Variants in HTR2A observed in about 807,000 individuals in gnomAD.
HTR2A encodes the protein 5-HT2 receptor.
HTR2A carries 14 observed loss-of-function variants against 31.0 expected under a neutral mutation model. The observed-to-expected ratio is 0.45, with a 90% CI of 0.30 to 0.71. The LOEUF (loss-of-function observed/expected upper bound fraction) is 0.71. Ranked by LOEUF, HTR2A falls within the 30% of genes least tolerant of loss-of-function variation. HTR2A has a pLI of 0.09. For synonymous variants in HTR2A, 209 were observed against 225.2 expected, an observed-to-expected ratio of 0.93 and a Z score of 0.64; for missense variants, 442 against 573.3, an observed-to-expected ratio of 0.77 and a Z score of 2.34.
At chr13:46,873,429 TA>T (rs1555299077) in intron 3 of HTR2A, among the ~76,000 whole-genome samples, 1 of 25,906 alleles carries the variant, frequency 3.9e-5, no homozygotes, top group African/African-American at 1.3e-4. Flanking sequence ...ATATAAAATT[TA>T]TTATTATTAT....
intron 3 of HTR2A, among the ~76,000 whole-genome samples, chr13:46,878,092 T>C (rs1332071559): frequency 6.6e-6 from 1 of 152,146 alleles, no homozygotes; most frequent in Non-Finnish European, 1.5e-5. Context: ...AGAGTTTCAG[T>C]CAGGAGAGCA....
chr13:46,882,044 G>C (rs1444634972), intron 3 of HTR2A, among the ~76,000 whole-genome samples: 2 of 151,998 alleles, frequency 1.3e-5, no homozygotes, highest in Non-Finnish European at 2.9e-5. Flanking sequence ...ATTCCATATA[G>C]AATTTGAGGT....
chr13:46,845,685 G>T (rs6561332), intron 3 of HTR2A, among the ~76,000 whole-genome samples: 55,325 of 149,848 alleles, frequency 0.37, 10,800 homozygotes, highest in African/African-American at 0.43. Context: ...GGAGGCAGAG[G>T]ATACAGAGAT....
intron 3 of HTR2A, among the ~76,000 whole-genome samples, chr13:46,888,247 A>G (rs1350012487): frequency 6.6e-6 from 1 of 152,218 alleles, no homozygotes; most frequent in African/African-American, 2.4e-5. Flanking sequence ...CCAAAGTCAC[A>G]AGTTTAAGAA....
chr13:46,863,657 A>AAAAAAAAAAAAAAAAAGAAAAAAAAAAAG (rs1566309853), intron 3 of HTR2A, among the ~76,000 whole-genome samples: 1 of 118,256 alleles, frequency 8.5e-6, no homozygotes, highest in Non-Finnish European at 1.7e-5. Context: ...AAAGAAAAAA[A>AAAAAAAAAAAAAAAAAGAAAAAAAAAAAG]AAAAAGACAG....
Position 46,893,672 on chromosome 13 carries a change from A to G in HTR2A, c.413-1082T>C, listed in dbSNP as rs150120153. 1.2e-3 allele frequency among the ~76,000 whole-genome samples: 176 copies of G among 152,312 alleles called. 1 individual carries two copies. The highest frequency in any genetic ancestry group is 4.0e-3 in the African/African-American group (168 of 41,570). ...TCACCTGCTATATGAGGAAGGTTAG[A>G]GTGTGCTTTATGGACATAAACAAAG... is the stretch of plus-strand genomic sequence containing the variant. On this transcript the variant is annotated intron_variant, in intron 2 of 3. Transcript: ENST00000542664.
intron 3 of HTR2A, among the ~76,000 whole-genome samples, chr13:46,876,589 T>A (rs1054362981): frequency 3.3e-5 from 5 of 151,774 alleles, no homozygotes; most frequent in Admixed American, 1.3e-4. Flanking sequence ...TTCTTTTTTT[T>A]TTATTTTTAG....
chr13:46,892,687 A>G, intron 2 of HTR2A, 97 bp from the exon 3 acceptor site: 2 of 980,368 alleles, frequency 2.0e-6, no homozygotes, highest in South Asian at 1.4e-5. Context: ...GGACAGGCAC[A>G]GGTGGTGGCA....
In HTR2A at chr13:46,866,448, T is replaced by C. The variant is rs76489282; in HGVS notation, c.613+25942A>G. ...CTCAGGGGAGAGAGCAGCTGAGGAA[T>C]GTAAATGGTGCACAGTGTAAACAGT... On this transcript the variant is annotated intron_variant, in intron 3 of 3. Transcript: ENST00000542664. Among the ~76,000 whole-genome samples, 293 of 152,304 alleles carry C rather than the reference T, an allele frequency of 1.9e-3. 3 individuals are homozygous for C. Among genetic ancestry groups the C allele is most frequent in the Admixed American group, 3.6e-3 (55 of 15,296 alleles).
At chr13:46,837,448 C>T (rs901576889) in intron 3 of HTR2A, among the ~76,000 whole-genome samples, 1 of 152,168 alleles carries the variant, frequency 6.6e-6, no homozygotes, top group Admixed American at 6.5e-5. Context: ...ATTGCAGGGA[C>T]AGCCTGGGAG....
rs756794834 is a variant in HTR2A at position 46,895,748 on chromosome 13, G to A, written c.159C>T (p.Thr53=). 1.9e-6 allele frequency: 3 copies of A among 1,614,176 alleles called. No homozygotes were observed. Among genetic ancestry groups the A allele is most frequent in the Non-Finnish European group, 2.5e-6 (3 of 1,180,022 alleles). ...FNWTVDSENR[T]NLSCEGCLSP... Reference sequence around the variant, plus strand: ...AGAGGCACCCTTCACAGGAAAGGTTGGTTCGATTTTCAGAGTCGACTGTCC... The same window carrying A: ...AGAGGCACCCTTCACAGGAAAGGTTAGTTCGATTTTCAGAGTCGACTGTCC... The change falls in exon 2 of 4, where the codon ACC becomes ACT. Residue 53 remains threonine (T), a synonymous_variant. Coordinates refer to ENST00000542664, the MANE Select transcript of HTR2A (RefSeq NM_000621.5). This position sits in a 1 kb window ranked among gnomAD's most constrained non-coding sequence, Gnocchi z 4.4.
intron 3 of HTR2A, among the ~76,000 whole-genome samples, chr13:46,844,952 A>G (rs1162399566): frequency 6.6e-6 from 1 of 152,164 alleles, no homozygotes; most frequent in African/African-American, 2.4e-5. Flanking sequence ...TTTACTTAGC[A>G]CTATGTGAGA....
At chr13:46,845,289 A>C (rs537558906) in intron 3 of HTR2A, among the ~76,000 whole-genome samples, 1 of 152,292 alleles carries the variant, frequency 6.6e-6, no homozygotes, top group African/African-American at 2.4e-5. Context: ...ACAGGAGCTG[A>C]GCTGGGCCTG....
At chr13:46,867,118 T>C (rs1490094835) in intron 3 of HTR2A, among the ~76,000 whole-genome samples, 1 of 152,140 alleles carries the variant, frequency 6.6e-6, no homozygotes, top group Non-Finnish European at 1.5e-5. Context: ...GGAATCAGGA[T>C]AAGCCTCACT....
chr13:46,855,027 C>T (rs148038121), intron 3 of HTR2A, among the ~76,000 whole-genome samples: 25 of 152,208 alleles, frequency 1.6e-4, no homozygotes, highest in East Asian at 3.9e-4. Flanking sequence ...GATTGGGAGA[C>T]GGAACTATAA....
intron 3 of HTR2A, among the ~76,000 whole-genome samples, chr13:46,863,511 T>A (rs1374187464): frequency 1.3e-5 from 2 of 149,772 alleles, no homozygotes; most frequent in African/African-American, 4.9e-5. Flanking sequence ...TAGTCCCAGC[T>A]ACTTAAGGGG....
chr13:46,889,896 G>A (rs983192308), intron 3 of HTR2A, among the ~76,000 whole-genome samples: 1 of 152,164 alleles, frequency 6.6e-6, no homozygotes, highest in Non-Finnish European at 1.5e-5. Flanking sequence ...CCTCCTCAGG[G>A]CACACACCTC....
chr13:46,839,858 G>A (rs1258049479), intron 3 of HTR2A, among the ~76,000 whole-genome samples: 1 of 152,130 alleles, frequency 6.6e-6, no homozygotes, highest in Non-Finnish European at 1.5e-5. Flanking sequence ...TCTTACCACA[G>A]GCTGCATCAA....
chr13:46,895,648 G>C lies in HTR2A; in HGVS notation c.259C>G (p.Leu87Val), dbSNP rs1364080876. The C allele has an allele frequency of 6.2e-7, 1 of 1,614,084 alleles. No homozygotes were observed. Reference sequence around the variant, plus strand: ...ACGAGTATGTTTCCAGCAATAGTTAGAATAATCACTACGGCTGTCAGTAAA... The same window carrying C: ...ACGAGTATGTTTCCAGCAATAGTTACAATAATCACTACGGCTGTCAGTAAA... Reference protein sequence around the residue: ...SALLTAVVIILTIAGNILVIM... With the variant: ...SALLTAVVIIVTIAGNILVIM... Residue 87 changes from leucine (L) to valine (V), a missense_variant, in exon 2 of 4, where the codon CTA becomes GTA. By Grantham distance (32) the Leu-to-Val change is conservative. Around this residue, in one of 5 missense-constraint regions of HTR2A, gnomAD observed 86 missense variants for 179.1 expected, o/e 0.48. Coordinates refer to ENST00000542664, the MANE Select transcript of HTR2A (RefSeq NM_000621.5). This position sits in a 1 kb window ranked among gnomAD's most constrained non-coding sequence, Gnocchi z 4.4.
Sources: allele counts gnomAD v4.1 joint callset (sites outside exome capture counted in the v4.1 genomes callset), GRCh38; gene constraint gnomAD v4.1.1; regional missense constraint gnomAD v4.1.1; non-coding constraint Gnocchi (gnomAD v3.1); transcripts MANE v1.5; gene names NCBI Gene and HGNC (gene_info 2026-07-23, HGNC 2026-07-21).